MACF1: variants seen among roughly 807,000 people sequenced by gnomAD.
MACF1 encodes the protein microtubule-actin cross-linking factor 1.
A neutral mutation model predicts 854.8 loss-of-function variants in MACF1; 193 were observed. That is an observed-to-expected ratio of 0.23 (90% CI 0.20 to 0.25). The LOEUF is 0.25. MACF1 is among the 10% of genes least tolerant of loss of function. MACF1 has a pLI of 1.00. For synonymous variants in MACF1, 3,185 were observed against 3,226.7 expected (o/e 0.99, Z 0.44); for missense variants, 7,722 against 8,929.1 (o/e 0.86, Z 5.45).
At chr1:39,329,542 A>T (rs566949157) in intron 36 of MACF1, among the ~76,000 whole-genome samples, 1 of 152,340 alleles carries the variant, frequency 6.6e-6, no homozygotes, top group East Asian at 1.9e-4. Context: ...GCAGGGAAAT[A>T]ATTGGAAATT....
At chr1:39,365,984 G>A (rs1648674753) in intron 49 of MACF1, among the ~76,000 whole-genome samples, 1 of 152,018 alleles carries the variant, frequency 6.6e-6, no homozygotes, top group Non-Finnish European at 1.5e-5. Flanking sequence ...CCTATTTCTG[G>A]ATTTTCTATT....
At chr1:39,151,011 C>CT (rs1462593497) in intron 2 of MACF1, among the ~76,000 whole-genome samples, 1 of 152,190 alleles carries the variant, frequency 6.6e-6, no homozygotes, top group Middle Eastern at 3.2e-3. Flanking sequence ...GATTTTATCT[C>CT]TGAGAGCTAG....
chr1:39,428,709 G>A (rs75426349), intron 63 of MACF1, among the ~76,000 whole-genome samples: 1,757 of 152,250 alleles, frequency 0.012, 18 homozygotes, highest in Non-Finnish European at 0.013. Flanking sequence ...TTCAAATTCC[G>A]GGGATTCTGT....
intron 58 of MACF1, chr1:39,412,427 C>T: frequency 6.2e-7 from 1 of 1,613,950 alleles, no homozygotes; most frequent in Non-Finnish European, 8.5e-7. Flanking sequence ...GATGGTGAGG[C>T]AAAAGAGCTG....
chr1:39,298,886 A>ATATCTTC (rs1164268012), intron 21 of MACF1, among the ~76,000 whole-genome samples: 7 of 151,500 alleles, frequency 4.6e-5, no homozygotes, highest in Non-Finnish European at 8.8e-5. Context: ...AGTGGTTGTC[A>ATATCTTC]TATCTTCTCT....
chr1:39,402,311 G>A (rs1642508779), intron 58 of MACF1, among the ~76,000 whole-genome samples: 1 of 152,162 alleles, frequency 6.6e-6, no homozygotes, highest in African/African-American at 2.4e-5. Context: ...ACTACTCTCA[G>A]TTAGTCCCAG....
Position 39,423,896 on chromosome 1 carries a change from G to A in MACF1, c.16150-132G>A, listed in dbSNP as rs1056373044. The A allele has an allele frequency of 6.0e-6, 4 of 662,304 alleles. No individual in the cohort carries two copies. In the African/African-American group the frequency reaches 7.4e-5, roughly 12 times the overall value. 41.0% of individuals were successfully genotyped at this position (662,304 alleles called of 1,614,324 possible). A position where few individuals can be genotyped will look rare whatever the true frequency, so the allele number is the denominator to read the frequency against. ...GCTATATCTCCTGTTTTTGCCCCAA[G>A]GATGAAAAAAACTTCTTTTACTCAA... On this transcript the variant is annotated intron_variant, in intron 60 of 100. Coordinates refer to ENST00000564288, the MANE Select transcript of MACF1 (RefSeq NM_001394062.1).
chr1:39,208,132 CAA>C (rs1192716249), intron 1 of MACF1, among the ~76,000 whole-genome samples: 3 of 80,558 alleles, frequency 3.7e-5, no homozygotes, highest in Non-Finnish European at 5.1e-5. Flanking sequence ...GAGTCCGTCT[CAA>C]AAAAAAAAAA....
chr1:39,463,710 TTTG>T, intron 94 of MACF1, 24 bp downstream of exon 94: 1 of 1,602,604 alleles, frequency 6.2e-7, no homozygotes. Flanking sequence ...AAAGCAGTCC[TTTG>T]TTGTGGTGGT....
chr1:39,097,904 A>G (rs1641976083), intron 2 of MACF1, among the ~76,000 whole-genome samples: 1 of 152,118 alleles, frequency 6.6e-6, no homozygotes. Context: ...GCTGCCTGTT[A>G]GTGCCCCTTT....
intron 2 of MACF1, among the ~76,000 whole-genome samples, chr1:39,089,447 G>C (rs1239920369): frequency 6.6e-6 from 1 of 152,206 alleles, no homozygotes; most frequent in Non-Finnish European, 1.5e-5. Context: ...TGGCCTTCTA[G>C]TCAGACGACA....
chr1:39,408,627 T>C (rs937792295), intron 58 of MACF1, among the ~76,000 whole-genome samples: 9 of 151,912 alleles, frequency 5.9e-5, no homozygotes, highest in African/African-American at 2.2e-4. Flanking sequence ...GCCGGGCCGG[T>C]TGGAGCGAGA....
intron 2 of MACF1, among the ~76,000 whole-genome samples, chr1:39,239,763 T>C: frequency 6.6e-6 from 1 of 152,228 alleles, no homozygotes; most frequent in Non-Finnish European, 1.5e-5. Context: ...GTATTTAATC[T>C]AGCAGATAGA....
Position 39,295,896 on chromosome 1 carries a change from CTG to C in MACF1, c.2355+18_2355+19del. On this transcript the variant is annotated intron_variant, in intron 20 of 100. Coordinates refer to ENST00000564288, the MANE Select transcript of MACF1 (RefSeq NM_001394062.1). The stretch of plus-strand genomic sequence containing the variant: ...GCTTATTTTCAGGTGTGATGGATTT[CTG>C]TGTTTGTGTGTGTGTGTACATATGT... The C allele has an allele frequency of 6.2e-7, 1 of 1,609,398 alleles. No individual in the cohort carries two copies. Among genetic ancestry groups the C allele is most frequent in the Non-Finnish European group, 8.5e-7 (1 of 1,176,460 alleles).
rs1285462652 is a variant in MACF1, at chr1:39,333,940, C to A, written c.7352C>A (p.Ala2451Asp). 1 of 1,613,972 alleles carries A rather than the reference C, an allele frequency of 6.2e-7. No homozygotes were observed. The highest frequency in any genetic ancestry group is 1.7e-5 in the Admixed American group (1 of 60,002). The change falls in exon 37 of 101, where the codon GCT (alanine) becomes GAT (aspartate). Residue 2451 changes from alanine (A) to aspartate (D), a missense_variant. Around this residue, in one of 15 missense-constraint regions of MACF1, gnomAD observed 1,531 missense variants for 1,601.6 expected, o/e 0.96. Coordinates refer to ENST00000564288, the MANE Select transcript of MACF1 (RefSeq NM_001394062.1). Reference protein sequence around the residue: ...NLEKASKGRDAEKTVRERLIS... With the variant: ...NLEKASKGRDDEKTVRERLIS... ...GAGAAAGCTTCCAAAGGTAGAGATG[C>A]TGAAAAAACAGTTAGGGAGAGATTA... is the stretch of plus-strand genomic sequence containing the variant.
chr1:39,481,043 T>C lies in MACF1; in HGVS notation c.22281+13T>C. ...GCCCACCCCCGAGGTAGAGTATGGC[T>C]TTGCTGACTGAGGACACAGTCAAGA... On this transcript the variant is annotated intron_variant, in intron 99 of 100. Transcript: ENST00000564288. The C allele has an allele frequency of 6.6e-7, 1 of 1,508,872 alleles. No homozygotes were observed. The highest frequency in any genetic ancestry group is 9.0e-7 in the Non-Finnish European group (1 of 1,109,214). The allele number at this position is 1,508,872 out of a possible 1,614,324, so 93.5% of individuals were successfully genotyped here.
At chr1:39,280,275 A>G (rs527264917) in intron 6 of MACF1, among the ~76,000 whole-genome samples, 28 of 152,058 alleles carry the variant, frequency 1.8e-4, no homozygotes, top group Non-Finnish European at 4.0e-4. Flanking sequence ...AGTTATTATT[A>G]ATTAAAACAT....
At chr1:39,315,927 T>C (rs1402063234) in intron 27 of MACF1, among the ~76,000 whole-genome samples, 1 of 152,200 alleles carries the variant, frequency 6.6e-6, no homozygotes, top group East Asian at 1.9e-4. Context: ...GGGACTATGA[T>C]TTACCTCACT....
At chr1:39,227,175 A>G (rs756557443) in intron 1 of MACF1, among the ~76,000 whole-genome samples, 9 of 152,168 alleles carry the variant, frequency 5.9e-5, no homozygotes, top group Non-Finnish European at 8.8e-5. Context: ...CGGCCTCCCA[A>G]AGTGCTAGGA....
Sources: allele counts gnomAD v4.1 joint callset (sites outside exome capture counted in the v4.1 genomes callset), GRCh38; gene constraint gnomAD v4.1.1; regional missense constraint gnomAD v4.1.1; transcripts MANE v1.5; gene names NCBI Gene and HGNC (gene_info 2026-07-23, HGNC 2026-07-21).